Variants in CAMKV observed in about 807,000 individuals in gnomAD.
The protein encoded by CAMKV is caM kinase-like vesicle-associated protein.
Under a neutral mutation model 50.2 loss-of-function variants are expected in CAMKV, and 5 were observed. That is an observed-to-expected ratio of 0.10 (90% CI 0.05 to 0.21). CAMKV has a LOEUF of 0.21. Ranked by LOEUF, CAMKV falls within the 10% of genes least tolerant of loss-of-function variation. The probability of loss-of-function intolerance (pLI) is 1.00; values close to 1 mark genes in which losing one functional copy is unlikely to be tolerated. For synonymous variants in CAMKV, 229 were observed against 250.1 expected, an observed-to-expected ratio of 0.92 and a Z score of 0.80; for missense variants, 361 against 650.5, an observed-to-expected ratio of 0.55 and a Z score of 4.84.
chr3:49,864,413 T>C (rs530768043), intron 1 of CAMKV, among the ~76,000 whole-genome samples: 8 of 152,178 alleles, frequency 5.3e-5, no homozygotes, highest in South Asian at 2.1e-4. Flanking sequence ...AGAACAGATA[T>C]AGCTGGCTCA....
Position 49,862,176 on chromosome 3 carries a change from A to T in CAMKV, c.96T>A (p.Thr32=). 6.2e-7 allele frequency: 1 copy of T among 1,614,102 alleles called. No homozygotes were observed. The highest frequency in any genetic ancestry group is 8.5e-7 in the Non-Finnish European group (1 of 1,180,018). The stretch of plus-strand genomic sequence containing the variant: ...CCCGGAAGATTTCACAAAACTCCTC[A>T]CTGCAGCCGACAGGCACCCACTCAG... The part of the protein sequence containing the change: ...DRYDLGQVIK[T]EEFCEIFRAK... The change falls in exon 3 of 11, where the codon ACT becomes ACA. Residue 32 remains threonine (T), a splice_region_variant and synonymous_variant. Transcript: ENST00000477224. This position sits in a 1 kb window ranked among gnomAD's most constrained non-coding sequence, Gnocchi z 5.2.
rs2108330030 is a variant in CAMKV at position 49,862,080 on chromosome 3, C to T, written c.192G>A (p.Arg64=). 1 of 1,614,026 alleles carries T rather than the reference C, an allele frequency of 6.2e-7. No homozygotes were observed. The change falls in exon 3 of 11, where the codon CGG becomes CGA. Residue 64 remains arginine (R), a synonymous_variant. Transcript: ENST00000477224. The surrounding 1 kb of genome is among the most constrained non-coding windows in gnomAD (Gnocchi z 5.2). ...TGCCTATCTCGTTCTTGGCAGCTTT[C>T]CGCACCTTGCGGCCGTCCCGCTTCT... ...KFQKRDGRKV[R]KAAKNEIGIL...
At position 49,861,393 on chromosome 3, in the gene CAMKV, C is replaced by T. The variant is rs752537245; in HGVS notation, c.441+46G>A. 4.3e-6 allele frequency: 7 copies of T among 1,613,360 alleles called. No individual in the cohort carries two copies. The South Asian group carries it at 7.7e-5, about 18-fold the overall frequency. On this transcript the variant is annotated intron_variant, in intron 5 of 10. Coordinates refer to ENST00000477224, the MANE Select transcript of CAMKV (RefSeq NM_024046.5). This position sits in a 1 kb window ranked among gnomAD's most constrained non-coding sequence, Gnocchi z 7.7. ...CCCTGAGGTGCTGCCCACCCCAGCACCAGCCCAGCTGCCAACTGGCCCTTT... is the reference window on the plus strand; with the variant it reads ...CCCTGAGGTGCTGCCCACCCCAGCATCAGCCCAGCTGCCAACTGGCCCTTT...
intron 1 of CAMKV, among the ~76,000 whole-genome samples, chr3:49,863,975 A>G (rs1001798379): frequency 3.9e-5 from 6 of 152,160 alleles, no homozygotes; most frequent in African/African-American, 1.2e-4. Context: ...TAAATTTTTT[A>G]AAGTTTACAT....
chr3:49,859,294 G>T lies in CAMKV; in HGVS notation c.*24C>A. 1 of 1,496,224 alleles carries T rather than the reference G, an allele frequency of 6.7e-7. No individual in the cohort carries two copies. Among genetic ancestry groups the T allele is most frequent in the Non-Finnish European group, 8.9e-7 (1 of 1,120,180 alleles). The allele number at this position is 1,496,224 out of a possible 1,614,324, so 92.7% of individuals were successfully genotyped here. ...TCTCCCACCCTCCTGCCCATCCCCT[G>T]CCCCCCCTCACCAGGCTGCCTACTC... On this transcript the variant is annotated 3_prime_UTR_variant, in exon 11 of 11. Coordinates refer to ENST00000477224, the MANE Select transcript of CAMKV (RefSeq NM_024046.5). The surrounding 1 kb of genome is among the most constrained non-coding windows in gnomAD (Gnocchi z 5.5).
rs374255836 is a variant in CAMKV at position 49,860,263 on chromosome 3, A to T, written c.855-5T>A. On this transcript the variant is annotated splice_polypyrimidine_tract_variant and splice_region_variant and intron_variant, in intron 9 of 10. Coordinates refer to ENST00000477224, the MANE Select transcript of CAMKV (RefSeq NM_024046.5). The surrounding 1 kb of genome is among the most constrained non-coding windows in gnomAD (Gnocchi z 6.1). ...GAAGCAGCATTGCCAGAAATCCTGG[A>T]AAGGGTGCAAGTGTGTCTGGATCTG... 1 of 1,613,576 alleles carries T rather than the reference A, an allele frequency of 6.2e-7. No homozygotes were observed. The highest frequency in any genetic ancestry group is 1.3e-5 in the African/African-American group (1 of 74,900).
rs2082061681 is a variant in CAMKV at position 49,865,926 on chromosome 3, T to C, written c.-14-3524A>G. 2.6e-5 allele frequency among the ~76,000 whole-genome samples: 4 copies of C among 152,176 alleles called. No individual in the cohort carries two copies. The South Asian group carries it at 8.3e-4, about 32-fold the overall frequency. On this transcript the variant is annotated intron_variant, in intron 1 of 10. Transcript: ENST00000477224. ...GCTTTCGGCTCTGCATATGCATTCG[T>C]GCCCACTGAGGTCCAGGGCTGGTCA...
rs557822422 is a variant in CAMKV at position 49,865,203 on chromosome 3, A to G, written c.-14-2801T>C. On this transcript the variant is annotated intron_variant, in intron 1 of 10. Transcript: ENST00000477224. ...CATGGGCACAACCCTGCACTCCTCCACTGGGGAGAAGCATGTGGCCAGAAT... is the reference window on the plus strand; with the variant it reads ...CATGGGCACAACCCTGCACTCCTCCGCTGGGGAGAAGCATGTGGCCAGAAT... Among the ~76,000 whole-genome samples the G allele has an allele frequency of 1.1e-4, 17 of 152,304 alleles. 2 individuals carry two copies. In the South Asian group the frequency reaches 3.3e-3, roughly 30 times the overall value.
At position 49,861,010 on chromosome 3, in the gene CAMKV, C is replaced by A; in HGVS notation, c.571G>T (p.Val191Leu). Residue 191 changes from valine (V) to leucine (L), a missense_variant, in exon 7 of 11, where the codon GTG becomes TTG. Val to Leu is a conservative substitution (Grantham distance 32, BLOSUM62 1). This residue lies in a region of CAMKV where 172 missense variants were observed against 414.3 expected (regional missense o/e 0.42). Transcript: ENST00000477224. This position sits in a 1 kb window ranked among gnomAD's most constrained non-coding sequence, Gnocchi z 7.7. ...CGTCCATACCGCTGCCGGCCTACCA[C>A]CTCTGGGGCTACAAACACAGCGCCC... Reference protein sequence around the residue: ...CGTPEYLAPEVVGRQRYGRPV... With the variant: ...CGTPEYLAPELVGRQRYGRPV... 6.2e-7 allele frequency: 1 copy of A among 1,614,150 alleles called. No individual in the cohort carries two copies. Among genetic ancestry groups the A allele is most frequent in the East Asian group, 2.2e-5 (1 of 44,868 alleles).
Position 49,859,740 on chromosome 3 carries a change from C to T in CAMKV, c.1084G>A (p.Ala362Thr), listed in dbSNP as rs758016459. Residue 362 changes from alanine (A) to threonine (T), a missense_variant, in exon 11 of 11, where the codon GCT becomes ACT. By Grantham distance (58) the Ala-to-Thr change is moderately conservative. Coordinates refer to ENST00000477224, the MANE Select transcript of CAMKV (RefSeq NM_024046.5). This position sits in a 1 kb window ranked among gnomAD's most constrained non-coding sequence, Gnocchi z 5.5. ...GGATAAAASG[A>T]TSAPEGDAAR... ...GCATCACCCTCAGGGGCTGAGGTAG[C>T]TCCACTCGCAGCTGCAGCTGTGGCC... is the stretch of plus-strand genomic sequence containing the variant. 1.3e-6 allele frequency: 2 copies of T among 1,584,492 alleles called. No homozygotes were observed. Among genetic ancestry groups the T allele is most frequent in the Non-Finnish European group, 1.7e-6 (2 of 1,164,704 alleles).
In CAMKV at chr3:49,861,675, G is replaced by A; in HGVS notation, c.303-98C>T. On this transcript the variant is annotated intron_variant, in intron 4 of 10. Coordinates refer to ENST00000477224, the MANE Select transcript of CAMKV (RefSeq NM_024046.5). The surrounding 1 kb of genome is among the most constrained non-coding windows in gnomAD (Gnocchi z 7.7). Reference sequence around the variant, plus strand: ...CTACGCCAGGCAGCTGGCTGAGCAAGGCACAGGGACCTGGGACGCCAAGGG... The same window carrying A: ...CTACGCCAGGCAGCTGGCTGAGCAAAGCACAGGGACCTGGGACGCCAAGGG... The A allele has an allele frequency of 6.3e-7, 1 of 1,599,398 alleles. No individual in the cohort carries two copies. The highest frequency in any genetic ancestry group is 8.6e-7 in the Non-Finnish European group (1 of 1,169,300).
intron 1 of CAMKV, among the ~76,000 whole-genome samples, chr3:49,867,416 C>T (rs1478027234): frequency 6.6e-6 from 1 of 152,226 alleles, no homozygotes; most frequent in East Asian, 1.9e-4. Context: ...TCCAGTGCTA[C>T]ATCCCGAAAG....
In CAMKV at chr3:49,861,893, T is replaced by C. The variant is rs1345599944; in HGVS notation, c.228-28A>G. On this transcript the variant is annotated intron_variant, in intron 3 of 10. Transcript: ENST00000477224. The surrounding 1 kb of genome is among the most constrained non-coding windows in gnomAD (Gnocchi z 7.7). ...GGCGACAGGGAGGGGAGCCAGTAGT[T>C]AGGGCTGGATGAACCCCTGGGAGAG... The C allele has an allele frequency of 6.2e-7, 1 of 1,612,574 alleles. No individual in the cohort carries two copies. The highest frequency in any genetic ancestry group is 1.7e-5 in the Admixed American group (1 of 59,884).
At chr3:49,863,584 A>G (rs886386281) in intron 1 of CAMKV, 4 of 152,210 alleles carry the variant, frequency 2.6e-5, no homozygotes, top group African/African-American at 7.2e-5. Context: ...GGCATAGCGC[A>G]CTGCAGCCCA....
At position 49,859,366 on chromosome 3, in the gene CAMKV, T is replaced by C. The variant is rs755704732; in HGVS notation, c.1458A>G (p.Glu486=). The C allele has an allele frequency of 2.6e-6, 4 of 1,560,986 alleles. No homozygotes were observed. In the East Asian group the frequency reaches 9.0e-5, roughly 35 times the overall value. ...TGQAPPSSKG[E]EAAGYAQESQ... ...ACTCCTGGGCATAACCAGCAGCCTC[T>C]TCCCCTTTACTAGAGGGTGGAGCCT... The change falls in exon 11 of 11, where the codon GAA becomes GAG. Residue 486 remains glutamate (E), a synonymous_variant. Transcript: ENST00000477224. This position sits in a 1 kb window ranked among gnomAD's most constrained non-coding sequence, Gnocchi z 5.5.
intron 1 of CAMKV, among the ~76,000 whole-genome samples, chr3:49,866,841 C>A (rs1482734787): frequency 1.3e-5 from 2 of 152,246 alleles, no homozygotes; most frequent in Non-Finnish European, 2.9e-5. Context: ...GGTCCGGAGG[C>A]CCCACATTGG....
At chr3:49,864,412 A>G (rs1288809850) in intron 1 of CAMKV, among the ~76,000 whole-genome samples, 1 of 152,150 alleles carries the variant, frequency 6.6e-6, no homozygotes, top group Non-Finnish European at 1.5e-5. Flanking sequence ...CAGAACAGAT[A>G]TAGCTGGCTC....
intron 1 of CAMKV, among the ~76,000 whole-genome samples, chr3:49,867,986 C>G (rs1203562057): frequency 3.3e-5 from 5 of 152,166 alleles, no homozygotes; most frequent in Admixed American, 3.3e-4. Context: ...ACTGCACCCT[C>G]CTGTATCCCC....
At position 49,859,876 on chromosome 3, in the gene CAMKV, A is replaced by G. The variant is rs149222654; in HGVS notation, c.948T>C (p.Ala316=). 1.3e-5 allele frequency: 19 copies of G among 1,511,990 alleles called. No homozygotes were observed. Among genetic ancestry groups the G allele is most frequent in the Middle Eastern group, 1.8e-4 (1 of 5,430 alleles). 93.7% of individuals were successfully genotyped at this position (1,511,990 alleles called of 1,614,324 possible). Residue 316 remains alanine, a synonymous_variant, in exon 11 of 11, where the codon GCT becomes GCC. Transcript: ENST00000477224. This position sits in a 1 kb window ranked among gnomAD's most constrained non-coding sequence, Gnocchi z 5.5. The stretch of plus-strand genomic sequence containing the variant: ...GTTTCATGAGGGTGGTCACTCGGAC[A>G]GCCTTCTGAAAGGAGCACAGTGGAG... The part of the protein sequence containing the change: ...KNFARAKWKK[A]VRVTTLMKRL...
Sources: gnomAD v4.1 joint callset for allele counts (sites outside exome capture counted in the v4.1 genomes callset) on GRCh38, gnomAD v4.1.1 for gene constraint, gnomAD v4.1.1 regional missense constraint, Gnocchi (gnomAD v3.1) non-coding constraint, MANE v1.5 for transcripts, NCBI Gene and HGNC (gene_info 2026-07-23, HGNC 2026-07-21) for gene names.